The following DOCK9 variants were observed in gnomAD, a reference collection of about 807,000 sequenced individuals.
DOCK9 encodes dedicator of cytokinesis protein 9.
In DOCK9, 89 loss-of-function variants were observed where a neutral mutation model predicts 263.3. The ratio of observed to expected loss-of-function variants is 0.34; its 90% CI spans 0.28 to 0.40. The LOEUF is 0.40. DOCK9 is among the 10% of genes least tolerant of loss of function. DOCK9 has a pLI of 1.00. For missense variants in DOCK9, 2,140 were observed against 2,603.4 expected, an observed-to-expected ratio of 0.82 and a Z score of 3.87; for synonymous variants, 976 against 973.1, an observed-to-expected ratio of 1.00 and a Z score of -0.06.
At position 98,846,460 on chromosome 13, in the gene DOCK9, A is replaced by G. The variant is rs1594623429; in HGVS notation, c.4062-400T>C. 2.2e-5 allele frequency: 27 copies of G among 1,245,956 alleles called. No homozygotes were observed. The South Asian group carries it at 2.9e-4, about 13-fold the overall frequency. The allele number at this position is 1,245,956 out of a possible 1,614,324, so 77.2% of individuals were successfully genotyped here. A position where few individuals can be genotyped will look rare whatever the true frequency, so the allele number is the denominator to read the frequency against. ...TTTTAATTAAAAAATGCATTGGAAG[A>G]CACAGAGAACAAACATGCAAAGGAA... On this transcript the variant is annotated intron_variant, in intron 37 of 52. Coordinates refer to ENST00000682017, the MANE Select transcript of DOCK9 (RefSeq NM_001366683.2).
intron 35 of DOCK9, 76 bp downstream of exon 35, chr13:98,853,332 C>A: frequency 1.1e-6 from 1 of 880,638 alleles, no homozygotes. Flanking sequence ...TGTATCATTT[C>A]AACTTATTAC....
chr13:98,969,219 G>A (rs1351582604), intron 1 of DOCK9, among the ~76,000 whole-genome samples: 1 of 152,194 alleles, frequency 6.6e-6, no homozygotes, highest in Admixed American at 6.5e-5. Context: ...GCACAGGAGA[G>A]TAAAGGGGCA....
chr13:99,067,049 C>T (rs541539213), intron 1 of DOCK9, among the ~76,000 whole-genome samples: 1 of 152,322 alleles, frequency 6.6e-6, no homozygotes, highest in South Asian at 2.1e-4. Context: ...TTCCTACAAA[C>T]TCCATCTGCA....
At chr13:98,815,442 C>A (rs111855895) in intron 45 of DOCK9, among the ~76,000 whole-genome samples, 5 of 152,094 alleles carry the variant, frequency 3.3e-5, no homozygotes, top group African/African-American at 1.2e-4. Context: ...CATTTTTGGG[C>A]CTTTTCAAAG....
chr13:98,868,521 T>C (rs748804516), intron 27 of DOCK9, 144 bp from the exon 28 acceptor site: 1 of 937,246 alleles, frequency 1.1e-6, no homozygotes, highest in Non-Finnish European at 1.6e-6. Flanking sequence ...CCCAGCACTT[T>C]GGGAAGCCAA....
rs2140464574 is a variant in DOCK9 at position 98,818,052 on chromosome 13, C to T, written c.5130+6346G>A. On this transcript the variant is annotated intron_variant, in intron 45 of 52. Transcript: ENST00000682017. Reference sequence around the variant, plus strand: ...TATTATAAATAAATGGTATTATACACTATAAAAAGCAGAGTTAGCACAGAT... The same window carrying T: ...TATTATAAATAAATGGTATTATACATTATAAAAAGCAGAGTTAGCACAGAT... Among the ~76,000 whole-genome samples, 2 of 152,230 alleles carry T rather than the reference C, an allele frequency of 1.3e-5. 1 individual carries two copies. The highest frequency in any genetic ancestry group is 1.3e-4 in the Admixed American group (2 of 15,296).
At chr13:98,893,665 G>C (rs1380007976) in intron 15 of DOCK9, among the ~76,000 whole-genome samples, 1 of 152,106 alleles carries the variant, frequency 6.6e-6, no homozygotes, top group African/African-American at 2.4e-5. Context: ...CAATCATGGG[G>C]GTAGAAACAA....
At chr13:98,949,707 G>C in intron 2 of DOCK9, 1 of 272,022 alleles carries the variant, frequency 3.7e-6, no homozygotes. Flanking sequence ...TGTGCTTTCA[G>C]ATATTCTGGG....
Position 98,808,763 on chromosome 13 carries a change from A to G in DOCK9, c.5367+589T>C, listed in dbSNP as rs1157748251. 1.3e-5 allele frequency: 11 copies of G among 828,152 alleles called. 1 individual carries two copies. Among genetic ancestry groups the G allele is most frequent in the African/African-American group, 7.0e-5 (4 of 57,552 alleles). The allele number at this position is 828,152 out of a possible 1,614,324, so 51.3% of individuals were successfully genotyped here. A position where few individuals can be genotyped will look rare whatever the true frequency, so the allele number is the denominator to read the frequency against. ...CACACGCCCTAAATATATGTATTAT[A>G]ATTTATACCATTTAATAATGTTAAG... is the stretch of plus-strand genomic sequence containing the variant. On this transcript the variant is annotated intron_variant, in intron 47 of 52. Coordinates refer to ENST00000682017, the MANE Select transcript of DOCK9 (RefSeq NM_001366683.2).
At chr13:98,841,616 A>ATTT (rs763770697) in intron 38 of DOCK9, among the ~76,000 whole-genome samples, 19 of 137,350 alleles carry the variant, frequency 1.4e-4, no homozygotes, top group African/African-American at 2.4e-4. Flanking sequence ...TATGAACAAA[A>ATTT]TTTTTTTTTT....
chr13:98,830,381 C>T (rs2092711092), intron 41 of DOCK9, among the ~76,000 whole-genome samples: 2 of 152,198 alleles, frequency 1.3e-5, no homozygotes, highest in Admixed American at 1.3e-4. Flanking sequence ...ATACCATCCT[C>T]TCTGACCTAG....
At chr13:98,796,321 A>C (rs1174140831) in intron 52 of DOCK9, 5 of 916,620 alleles carry the variant, frequency 5.5e-6, no homozygotes, top group Non-Finnish European at 8.7e-6. Context: ...AGGGGATAGG[A>C]TCACTCCACA....
At chr13:98,804,348 T>G (rs374020472) in intron 49 of DOCK9, among the ~76,000 whole-genome samples, 4 of 152,212 alleles carry the variant, frequency 2.6e-5, no homozygotes, top group Non-Finnish European at 5.9e-5. Context: ...CCAGGATGAC[T>G]AGACACTTGC....
chr13:98,837,749 T>TG (rs2093060202), intron 38 of DOCK9, 140 bp from the exon 39 acceptor site: 1 of 58,944 alleles, frequency 1.7e-5, no homozygotes, highest in Non-Finnish European at 3.0e-5. Context: ...TTTTTTGGGG[T>TG]GGGGGGCGGG....
chr13:98,853,485 C>A lies in DOCK9; in HGVS notation c.3869G>T (p.Arg1290Leu). 1.2e-6 allele frequency: 2 copies of A among 1,613,606 alleles called. No homozygotes were observed. The highest frequency in any genetic ancestry group is 1.7e-6 in the Non-Finnish European group (2 of 1,179,750). ...CTCAGACTGGTCAAGTTTATCACAG[C>A]GAACCACGGAATTTCCCAATGTGCT... ...QSSTLGNSVVRCDKLDQSEIK... is the reference protein window; with the variant it reads ...QSSTLGNSVVLCDKLDQSEIK... Residue 1290 changes from arginine to leucine, a missense_variant, in exon 35 of 53, where the codon CGC becomes CTC. Physicochemically the swap from Arg to Leu is moderately radical, Grantham distance 102. Transcript: ENST00000682017.
At chr13:98,936,791 G>T (rs1012682205) in intron 2 of DOCK9, among the ~76,000 whole-genome samples, 4 of 152,160 alleles carry the variant, frequency 2.6e-5, no homozygotes, top group African/African-American at 9.7e-5. Context: ...ACTATAGCAT[G>T]AGTGAGCACT....
chr13:98,880,652 T>A lies in DOCK9; in HGVS notation c.2766A>T (p.Pro922=), dbSNP rs1314242451. The part of the protein sequence containing the change: ...SYVKYAYKAE[P]YVASEYKTVH... ...CTGTCTTGTATTCAGAGGCAACATA[T>A]GGCTCAGCCTTATACGCGTACTTTG... is the stretch of plus-strand genomic sequence containing the variant. Residue 922 remains proline (P), a synonymous_variant, in exon 26 of 53, where the codon CCA becomes CCT. Transcript: ENST00000682017. 6.2e-7 allele frequency: 1 copy of A among 1,613,814 alleles called. No individual in the cohort carries two copies. Among genetic ancestry groups the A allele is most frequent in the Admixed American group, 1.7e-5 (1 of 60,004 alleles).
At position 99,024,692 on chromosome 13, in the gene DOCK9, C is replaced by A. The variant is rs554900197; in HGVS notation, c.129+61531G>T. 1.4e-4 allele frequency among the ~76,000 whole-genome samples: 22 copies of A among 152,238 alleles called. No homozygotes were observed. The South Asian group carries it at 4.4e-3, about 30-fold the overall frequency. ...GGCGAAGAGGAAAACATAAAACACA[C>A]ATAAGATTTGAATTTGACTTTTTAA... On this transcript the variant is annotated intron_variant, in intron 1 of 32. Coordinates refer to the DOCK9 transcript ENST00000427887.
intron 2 of DOCK9, among the ~76,000 whole-genome samples, chr13:98,948,937 T>A (rs2057055028): frequency 6.6e-6 from 1 of 152,222 alleles, no homozygotes; most frequent in African/African-American, 2.4e-5. Flanking sequence ...CACATTTTCT[T>A]TCTCCATTTA....
Sources: allele counts gnomAD v4.1 joint callset (sites outside exome capture counted in the v4.1 genomes callset), GRCh38; gene constraint gnomAD v4.1.1; transcripts MANE v1.5; gene names NCBI Gene and HGNC (gene_info 2026-07-23, HGNC 2026-07-21).